CYREN: variants seen among roughly 807,000 people sequenced by gnomAD.
CYREN encodes the protein cell cycle regulator of NHEJ.
Under a neutral mutation model 9.7 loss-of-function variants are expected in CYREN, and 7 were observed. That is an observed-to-expected ratio of 0.72 (90% CI 0.41 to 1.36). The LOEUF is 1.36. Ranked by LOEUF, CYREN falls within the 40% of genes most tolerant of loss-of-function variation. CYREN has a pLI of 0.01. For synonymous variants in CYREN, 76 were observed against 77.9 expected (o/e 0.98, Z 0.13); for missense variants, 215 against 198.1 (o/e 1.09, Z -0.51).
chr7:135,161,600 G>A (rs1273402223), downstream of CYREN, among the ~76,000 whole-genome samples: 7 of 152,236 alleles, frequency 4.6e-5, no homozygotes, highest in Middle Eastern at 3.4e-3. The surrounding 1 kb of genome is among the most constrained non-coding windows in gnomAD (Gnocchi z 4.1). Flanking sequence ...ATATGTTCCC[G>A]TCGGCAATTT....
At chr7:135,171,864 G>A (rs1045234085), upstream of CYREN, among the ~76,000 whole-genome samples, 2 of 152,216 alleles carry the variant, frequency 1.3e-5, no homozygotes, top group Non-Finnish European at 2.9e-5. Context: ...AAATGGCCCC[G>A]GTGGAATGCC....
intron 2 of CYREN, among the ~76,000 whole-genome samples, chr7:135,143,652 T>C (rs1361008286): frequency 6.6e-6 from 1 of 151,790 alleles, no homozygotes; most frequent in Non-Finnish European, 1.5e-5. Context: ...TAATATTGAA[T>C]TTAAAAAAAA....
intron 2 of CYREN, among the ~76,000 whole-genome samples, chr7:135,160,689 C>G (rs957130145): frequency 6.7e-6 from 1 of 149,926 alleles, no homozygotes; most frequent in East Asian, 2.0e-4. Flanking sequence ...AGGATTCGTA[C>G]ATGAAAGAAC....
chr7:135,169,171 G>A, intron 1 of CYREN, 111 bp from the exon 2 acceptor site: 1 of 368,620 alleles, frequency 2.7e-6, no homozygotes, highest in Non-Finnish European at 4.9e-6. Context: ...GACTCAGACG[G>A]CCATTCACAG....
intron 2 of CYREN, among the ~76,000 whole-genome samples, chr7:135,109,762 G>A (rs955431257): frequency 3.9e-5 from 6 of 152,200 alleles, no homozygotes; most frequent in Non-Finnish European, 7.3e-5. Context: ...CCACTTTTAT[G>A]GAGAGCTGCT....
intron 2 of CYREN, among the ~76,000 whole-genome samples, chr7:135,139,333 T>C (rs1245960940): frequency 6.6e-6 from 1 of 152,066 alleles, no homozygotes; most frequent in South Asian, 2.1e-4. Context: ...TATCTAATCA[T>C]TAGTGATGTT....
intron 2 of CYREN, among the ~76,000 whole-genome samples, chr7:135,116,150 C>T (rs1826282213): frequency 6.6e-6 from 1 of 152,188 alleles, no homozygotes; most frequent in Non-Finnish European, 1.5e-5. Context: ...AATGTACTTC[C>T]TATGTGCTAC....
intron 2 of CYREN, among the ~76,000 whole-genome samples, chr7:135,133,297 A>G (rs889848767): frequency 1.3e-5 from 2 of 152,228 alleles, no homozygotes; most frequent in African/African-American, 4.8e-5. Flanking sequence ...TATCTAAATG[A>G]GTGGAAAGAT....
At chr7:135,155,568 C>T (rs11982020) in intron 2 of CYREN, among the ~76,000 whole-genome samples, 5,565 of 152,222 alleles carry the variant, frequency 0.037, 326 homozygotes, top group African/African-American at 0.13. Flanking sequence ...GTGGCTCATG[C>T]CTTTAATCCC....
chr7:135,136,783 G>A (rs1163990014), intron 2 of CYREN, among the ~76,000 whole-genome samples: 2 of 152,000 alleles, frequency 1.3e-5, no homozygotes, highest in African/African-American at 4.8e-5. Flanking sequence ...GTAAACTCTG[G>A]AATGTATTGT....
chr7:135,116,766 A>G (rs1486755983), intron 2 of CYREN, among the ~76,000 whole-genome samples: 1 of 152,168 alleles, frequency 6.6e-6, no homozygotes, highest in African/African-American at 2.4e-5. Flanking sequence ...GAGTGAGGGC[A>G]CTGTTTATCT....
intron 3 of CYREN, chr7:135,167,232 C>T: frequency 3.6e-6 from 4 of 1,111,090 alleles, no homozygotes; most frequent in Non-Finnish European, 3.3e-6. Context: ...AGTCCCACAC[C>T]ACAGGGTTAT....
intron 2 of CYREN, among the ~76,000 whole-genome samples, chr7:135,137,996 C>T (rs924199303): frequency 1.5e-4 from 23 of 150,094 alleles, no homozygotes; most frequent in Non-Finnish European, 3.4e-4. Context: ...AATACGATCA[C>T]ACTAGGGGTT....
chr7:135,109,390 G>A (rs569538313), intron 2 of CYREN, among the ~76,000 whole-genome samples: 1 of 151,740 alleles, frequency 6.6e-6, no homozygotes, highest in East Asian at 1.9e-4. Flanking sequence ...CTATTGGCTC[G>A]ATAGCCCCAG....
At chr7:135,094,508 G>A in exon 3 of CYREN, 1 of 456,644 alleles carries the variant, frequency 2.2e-6, no homozygotes, top group Non-Finnish European at 4.4e-6. Context: ...CTTGTCTGGA[G>A]CTTCATTTTT....
intron 2 of CYREN, among the ~76,000 whole-genome samples, chr7:135,132,181 T>C (rs1447864319): frequency 6.6e-6 from 1 of 152,166 alleles, no homozygotes; most frequent in African/African-American, 2.4e-5. Flanking sequence ...GTTAGTGTGA[T>C]ATCAAAACCA....
chr7:135,163,284 G>A (rs142971913), downstream of CYREN, among the ~76,000 whole-genome samples: 7 of 152,290 alleles, frequency 4.6e-5, 2 homozygotes, highest in African/African-American at 1.7e-4. Context: ...AATATTGGTA[G>A]AATATTAACA....
intron 2 of CYREN, chr7:135,168,166 G>T: frequency 3.8e-6 from 1 of 263,376 alleles, no homozygotes; most frequent in South Asian, 4.3e-5. Context: ...CCAGACTTAG[G>T]GAAAGACGGC....
chr7:135,143,974 A>G (rs563901366), intron 2 of CYREN, among the ~76,000 whole-genome samples: 1 of 152,282 alleles, frequency 6.6e-6, no homozygotes, highest in East Asian at 1.9e-4. Flanking sequence ...CTGGGATCAC[A>G]GTCACTCCAG....
Sources: gnomAD v4.1 joint callset for allele counts (sites outside exome capture counted in the v4.1 genomes callset) on GRCh38, gnomAD v4.1.1 for gene constraint, Gnocchi (gnomAD v3.1) non-coding constraint, MANE v1.5 for transcripts, NCBI Gene and HGNC (gene_info 2026-07-23, HGNC 2026-07-21) for gene names.